The following DIAPH2 variants were observed in gnomAD, a reference collection of about 807,000 sequenced individuals.
DIAPH2 encodes protein diaphanous homolog 2.
Under a neutral mutation model 92.7 loss-of-function variants are expected in DIAPH2, and 35 were observed. The observed-to-expected ratio is 0.38, with a 90% CI of 0.29 to 0.50. DIAPH2 has a LOEUF of 0.50. DIAPH2 is among the 20% of genes least tolerant of loss of function. The probability of loss-of-function intolerance (pLI) is 0.94; values close to 1 mark genes in which losing one functional copy is unlikely to be tolerated. For synonymous variants in DIAPH2, 301 were observed against 280.4 expected (o/e 1.07, Z -0.73); for missense variants, 701 against 819.5 (o/e 0.86, Z 1.77).
chrX:97,068,164 C>T (rs754709350), intron 17 of DIAPH2, among the ~76,000 whole-genome samples: 7 of 111,381 alleles, frequency 6.3e-5, no homozygotes, highest in Non-Finnish European at 9.4e-5. Flanking sequence ...TTGCATTTCC[C>T]TGATCACTAG....
chrX:97,353,727 G>A (rs1287783825), intron 24 of DIAPH2, among the ~76,000 whole-genome samples: 1 of 107,638 alleles, frequency 9.3e-6, no homozygotes, highest in African/African-American at 3.3e-5. Context: ...TCCTAGATGA[G>A]CATTAAAATA....
chrX:96,898,432 A>G (rs1179808170), intron 5 of DIAPH2, among the ~76,000 whole-genome samples: 1 of 73,820 alleles, frequency 1.4e-5, no homozygotes, highest in Non-Finnish European at 3.1e-5. Flanking sequence ...CTGGTGTGAG[A>G]TGGTATCTCA....
chrX:97,446,439 G>A (rs1349084245), intron 26 of DIAPH2, among the ~76,000 whole-genome samples: 1 of 111,459 alleles, frequency 9.0e-6, no homozygotes. Context: ...ACTAAAACAG[G>A]TCATACTTAA....
At chrX:96,696,548 A>C (rs2063826339) in intron 1 of DIAPH2, among the ~76,000 whole-genome samples, 1 of 112,212 alleles carries the variant, frequency 8.9e-6, no homozygotes, top group Admixed American at 9.5e-5. Context: ...AGTTAACTTT[A>C]TTGTCCTGTT....
intron 1 of DIAPH2, among the ~76,000 whole-genome samples, chrX:96,691,093 A>G (rs2063795804): frequency 8.9e-6 from 1 of 111,874 alleles, no homozygotes; most frequent in South Asian, 3.8e-4. Context: ...TTCTTTTCCA[A>G]CCTGCTTTCA....
intron 20 of DIAPH2, among the ~76,000 whole-genome samples, chrX:97,103,939 T>G (rs1300398383): frequency 9.0e-6 from 1 of 111,503 alleles, no homozygotes; most frequent in Non-Finnish European, 1.9e-5. Context: ...TGCTGCTCCT[T>G]TACTCCTGCT....
chrX:97,287,652 G>A (rs754146580), intron 23 of DIAPH2, among the ~76,000 whole-genome samples: 20 of 107,083 alleles, frequency 1.9e-4, no homozygotes, highest in Non-Finnish European at 3.1e-4. Context: ...ATTAGAGTAT[G>A]GAATCAAGCT....
At chrX:97,547,233 C>T (rs1000630103) in intron 26 of DIAPH2, among the ~76,000 whole-genome samples, 8 of 111,507 alleles carry the variant, frequency 7.2e-5, no homozygotes, top group African/African-American at 2.6e-4. Context: ...TTGGCACCAC[C>T]ACTCAGACTG....
chrX:97,305,824 C>CAAAAAAAAAAAAAAAAAA (rs754094514), intron 23 of DIAPH2, among the ~76,000 whole-genome samples: 6 of 49,212 alleles, frequency 1.2e-4, no homozygotes, highest in African/African-American at 3.7e-4. Context: ...ACTCCTTCTC[C>CAAAAAAAAAAAAAAAAAA]AAAAAAAAAA....
intron 4 of DIAPH2, among the ~76,000 whole-genome samples, chrX:96,769,636 G>A (rs2064325259): frequency 9.0e-6 from 1 of 111,454 alleles, no homozygotes; most frequent in Admixed American, 9.5e-5. Context: ...TCATTTACCA[G>A]ATAAACAATC....
intron 21 of DIAPH2, among the ~76,000 whole-genome samples, chrX:97,129,355 T>C (rs2067121770): frequency 9.3e-6 from 1 of 107,973 alleles, no homozygotes; most frequent in Admixed American, 1.0e-4. Context: ...TTAGTAGAGA[T>C]GAGGTTTCAC....
At chrX:97,144,632 A>C (rs2147413765) in intron 22 of DIAPH2, among the ~76,000 whole-genome samples, 1 of 110,559 alleles carries the variant, frequency 9.0e-6, no homozygotes, top group Admixed American at 9.7e-5. Flanking sequence ...GTATATATAT[A>C]TATATATTTT....
intron 25 of DIAPH2, among the ~76,000 whole-genome samples, chrX:97,417,106 A>T (rs2069955064): frequency 8.9e-6 from 1 of 112,434 alleles, no homozygotes; most frequent in Admixed American, 9.4e-5. Context: ...GGAAGATTTG[A>T]CATTGTATGT....
In DIAPH2 at chrX:96,838,698, G is replaced by C. The variant is rs768255622; in HGVS notation, c.448-42881G>C. Among the ~76,000 whole-genome samples, 104 of 111,640 alleles carry C rather than the reference G, an allele frequency of 9.3e-4. No homozygotes were observed. The Middle Eastern group carries it at 0.014, about 15-fold the overall frequency. ...AAAAGAAATGAGAGAGTCAAACAGT[G>C]TACCGTAATAGATGAAATGGAAAGT... is the stretch of plus-strand genomic sequence containing the variant. On this transcript the variant is annotated intron_variant, in intron 4 of 26. Transcript: ENST00000324765.
intron 26 of DIAPH2, among the ~76,000 whole-genome samples, chrX:97,455,064 G>A (rs1467410247): frequency 1.8e-5 from 2 of 111,503 alleles, no homozygotes; most frequent in African/African-American, 6.5e-5. Context: ...TACGGAGGCA[G>A]CAAAGTGTAC....
At chrX:97,215,753 G>GA (rs772346528) in intron 22 of DIAPH2, among the ~76,000 whole-genome samples, 143 of 111,415 alleles carry the variant, frequency 1.3e-3, no homozygotes, top group African/African-American at 4.5e-3. Flanking sequence ...CCAGTAGTGG[G>GA]AAAAAAATGC....
intron 23 of DIAPH2, among the ~76,000 whole-genome samples, chrX:97,253,801 T>C (rs57335303): frequency 0.073 from 8,184 of 111,448 alleles, 395 homozygotes; most frequent in African/African-American, 0.18. Context: ...AGTAATAAAC[T>C]GTTATGAAAG....
chrX:97,234,529 T>C (rs1267778286), intron 22 of DIAPH2, among the ~76,000 whole-genome samples: 1 of 110,976 alleles, frequency 9.0e-6, no homozygotes, highest in Non-Finnish European at 1.9e-5. Flanking sequence ...GAGCAAGATA[T>C]TAAATATTTT....
intron 17 of DIAPH2, among the ~76,000 whole-genome samples, chrX:97,007,761 CTTTTTTT>C (rs1202951643): frequency 1.2e-4 from 10 of 80,995 alleles, no homozygotes; most frequent in African/African-American, 4.4e-4. Flanking sequence ...TTCTTTTTTT[CTTTTTTT>C]TTTTTTTTTT....
Sources: allele counts gnomAD v4.1 joint callset (sites outside exome capture counted in the v4.1 genomes callset), GRCh38; gene constraint gnomAD v4.1.1; transcripts MANE v1.5; gene names NCBI Gene and HGNC (gene_info 2026-07-23, HGNC 2026-07-21).